STAG1: variants seen among roughly 807,000 people sequenced by gnomAD.
STAG1 encodes cohesin subunit SA-1.
Under a neutral mutation model 170.9 loss-of-function variants are expected in STAG1, and 26 were observed. That is an observed-to-expected ratio of 0.15 (90% CI 0.11 to 0.21). The LOEUF (loss-of-function observed/expected upper bound fraction) is 0.21. Among genes scored for constraint, STAG1 ranks in the 10% least tolerant of loss-of-function variants. The pLI, the probability that STAG1 is intolerant of heterozygous loss-of-function variation, is 1.00. For synonymous variants in STAG1, 514 were observed against 497.7 expected (o/e 1.03, Z -0.44); for missense variants, 964 against 1,509.5 (o/e 0.64, Z 5.99).
intron 12 of STAG1, among the ~76,000 whole-genome samples, chr3:136,467,396 C>G (rs1185461053): frequency 6.6e-6 from 1 of 151,906 alleles, no homozygotes; most frequent in South Asian, 2.1e-4. Flanking sequence ...CCAACAAAGA[C>G]AGAAAGAGAC....
intron 30 of STAG1, among the ~76,000 whole-genome samples, chr3:136,342,499 G>T (rs1205619616): frequency 6.6e-6 from 1 of 150,464 alleles, no homozygotes; most frequent in East Asian, 2.0e-4. Context: ...TGTGGTGGTG[G>T]TGTTGAGACA....
chr3:136,666,543 C>A (rs188346251), intron 1 of STAG1, among the ~76,000 whole-genome samples: 57 of 152,136 alleles, frequency 3.7e-4, no homozygotes, highest in African/African-American at 1.2e-3. Flanking sequence ...TACGACTGGG[C>A]GCGGTGGCTC....
rs2087815344 is a variant in STAG1, at chr3:136,417,750, G to A, written c.2196+135C>T. The stretch of plus-strand genomic sequence containing the variant: ...CTATCAATAACATTTAATTACTACA[G>A]CAATAATTCTCTCAAAAGAGGCAGC... On this transcript the variant is annotated intron_variant, in intron 21 of 33. Coordinates refer to ENST00000383202, the MANE Select transcript of STAG1 (RefSeq NM_005862.3). 9.0e-6 allele frequency: 6 copies of A among 667,524 alleles called. No individual in the cohort carries two copies. The South Asian group carries it at 1.1e-4, about 12-fold the overall frequency. The allele number at this position is 667,524 out of a possible 1,614,324, so 41.4% of individuals were successfully genotyped here.
intron 7 of STAG1, among the ~76,000 whole-genome samples, chr3:136,504,413 T>A (rs909349248): frequency 6.6e-6 from 1 of 152,232 alleles, no homozygotes; most frequent in Middle Eastern, 3.2e-3. Context: ...TGTGGTAGTG[T>A]CTCAAACAGT....
intron 4 of STAG1, among the ~76,000 whole-genome samples, chr3:136,596,257 T>C (rs1394559899): frequency 6.6e-6 from 1 of 152,230 alleles, no homozygotes; most frequent in Non-Finnish European, 1.5e-5. Context: ...GAAACTTCAT[T>C]GTTGTCTTGT....
At chr3:136,609,624 T>C (rs1939155766) in intron 3 of STAG1, 1 of 157,844 alleles carries the variant, frequency 6.3e-6, no homozygotes, top group African/African-American at 2.4e-5. Context: ...TATACTATTA[T>C]CAGTGGTCCT....
At chr3:136,585,778 T>G (rs539607720) in intron 4 of STAG1, among the ~76,000 whole-genome samples, 1 of 152,282 alleles carries the variant, frequency 6.6e-6, no homozygotes, top group East Asian at 1.9e-4. Context: ...TGTCTTCCTA[T>G]CTCAAAAGCT....
chr3:136,720,034 G>A (rs1933140128), intron 1 of STAG1, among the ~76,000 whole-genome samples: 1 of 152,032 alleles, frequency 6.6e-6, no homozygotes, highest in Admixed American at 6.6e-5. Context: ...AAATTAGCTG[G>A]GCATGGTAGT....
At chr3:136,433,291 G>A (rs913060208) in intron 16 of STAG1, among the ~76,000 whole-genome samples, 2 of 151,440 alleles carry the variant, frequency 1.3e-5, no homozygotes, top group Non-Finnish European at 2.9e-5. Flanking sequence ...TTTAATAGAC[G>A]TAAAAATCCT....
intron 13 of STAG1, among the ~76,000 whole-genome samples, chr3:136,459,263 A>G (rs568322905): frequency 6.6e-6 from 1 of 152,178 alleles, no homozygotes; most frequent in East Asian, 1.9e-4. Context: ...AAAAAAAGAC[A>G]AAGAATACCA....
intron 30 of STAG1, among the ~76,000 whole-genome samples, chr3:136,342,637 A>G (rs1159188065): frequency 1.3e-5 from 2 of 152,272 alleles, no homozygotes; most frequent in Non-Finnish European, 2.9e-5. Flanking sequence ...GTGTGCCACC[A>G]TACCCATACA....
chr3:136,494,482 C>A (rs1422332053), intron 9 of STAG1, among the ~76,000 whole-genome samples: 1 of 152,146 alleles, frequency 6.6e-6, no homozygotes, highest in Middle Eastern at 3.2e-3. Flanking sequence ...TTCTATAAGG[C>A]TAGTATTGAC....
At chr3:136,348,979 T>G in intron 29 of STAG1, 179 bp downstream of exon 29, 1 of 606,784 alleles carries the variant, frequency 1.6e-6, no homozygotes, top group South Asian at 2.0e-5. Context: ...TTCTTTTTCC[T>G]TGATGCTTTT....
At chr3:136,569,322 AT>A (rs1336575398) in intron 4 of STAG1, among the ~76,000 whole-genome samples, 3 of 151,794 alleles carry the variant, frequency 2.0e-5, no homozygotes, top group Non-Finnish European at 4.4e-5. Flanking sequence ...AAATAACTGA[AT>A]TTATCAACAA....
Position 136,359,182 on chromosome 3 carries a change from T to A in STAG1, c.2902A>T (p.Ile968Phe). Residue 968 changes from isoleucine to phenylalanine, a missense_variant, in exon 27 of 34, where the codon ATT becomes TTT. By Grantham distance (21) the Ile-to-Phe change is conservative. Coordinates refer to ENST00000383202, the MANE Select transcript of STAG1 (RefSeq NM_005862.3). ...GTGGCAACTGCTTCTCGTGTCTTAA[T>A]CTGGTCCAATCCAAATGTAAGGGCA... The part of the protein sequence containing the change: ...RFALTFGLDQ[I>F]KTREAVATLH... 1.2e-6 allele frequency: 2 copies of A among 1,613,592 alleles called. No individual in the cohort carries two copies. Among genetic ancestry groups the A allele is most frequent in the Non-Finnish European group, 8.5e-7 (1 of 1,179,708 alleles).
At chr3:136,490,268 T>A (rs2090099115) in intron 9 of STAG1, among the ~76,000 whole-genome samples, 1 of 152,184 alleles carries the variant, frequency 6.6e-6, no homozygotes, top group Admixed American at 6.5e-5. Flanking sequence ...CTCGAACTCC[T>A]GACCTCAAGT....
intron 5 of STAG1, among the ~76,000 whole-genome samples, chr3:136,545,630 G>A (rs900335109): frequency 6.6e-6 from 1 of 151,842 alleles, no homozygotes; most frequent in African/African-American, 2.4e-5. Flanking sequence ...AAGAGGTAAA[G>A]AAAGAGACAC....
chr3:136,701,712 T>A (rs1403601967), intron 1 of STAG1, among the ~76,000 whole-genome samples: 2 of 152,188 alleles, frequency 1.3e-5, no homozygotes, highest in East Asian at 3.8e-4. Flanking sequence ...TCAGTATCCC[T>A]GGAATACAGC....
At position 136,713,353 on chromosome 3, in the gene STAG1, C is replaced by A. The variant is rs569227286; in HGVS notation, c.-84+38842G>T. Among the ~76,000 whole-genome samples, 9 of 151,528 alleles carry A rather than the reference C, an allele frequency of 5.9e-5. No homozygotes were observed. In the South Asian group the frequency reaches 1.5e-3, roughly 25 times the overall value. On this transcript the variant is annotated intron_variant, in intron 1 of 33. Coordinates refer to ENST00000383202, the MANE Select transcript of STAG1 (RefSeq NM_005862.3). ...ATCCCAGCACTTTGGGAGGCCAAGGCGGGACAATCACTTGAGGTCAGGAGT... is the reference window on the plus strand; with the variant it reads ...ATCCCAGCACTTTGGGAGGCCAAGGAGGGACAATCACTTGAGGTCAGGAGT...
Sources: gnomAD v4.1 joint callset for allele counts (sites outside exome capture counted in the v4.1 genomes callset) on GRCh38, gnomAD v4.1.1 for gene constraint, MANE v1.5 for transcripts, NCBI Gene and HGNC (gene_info 2026-07-23, HGNC 2026-07-21) for gene names.